The following OTP variants were observed in gnomAD, a reference collection of about 807,000 sequenced individuals.
OTP encodes the protein orthopedia homeobox.
In OTP, 5 loss-of-function variants were observed where a neutral mutation model predicts 22.3. The ratio of observed to expected loss-of-function variants is 0.22; its 90% confidence interval spans 0.12 to 0.47. The LOEUF is 0.47. Among genes scored for constraint, OTP ranks in the 20% least tolerant of loss-of-function variants. OTP has a pLI of 0.99. For missense variants in OTP, 428 were observed against 456.2 expected (o/e 0.94, Z 0.56); for synonymous variants, 229 against 210.6 (o/e 1.09, Z -0.76).
In OTP at chr5:77,637,335, C is replaced by G. The variant is rs574958198; in HGVS notation, c.38-105G>C. The G allele has an allele frequency of 6.2e-6, 8 of 1,300,016 alleles. No homozygotes were observed. In the South Asian group the frequency reaches 1.2e-4, roughly 20 times the overall value. 80.5% of individuals were successfully genotyped at this position (1,300,016 alleles called of 1,614,324 possible). ...AACCCGTCCTCGGCCCCCTCCGCAC[C>G]CGCGCTTGTCCTAAGGAAGAAACTC... On this transcript the variant is annotated intron_variant, in intron 1 of 2. Coordinates refer to ENST00000306422, the MANE Select transcript of OTP (RefSeq NM_032109.3).
intron 2 of OTP, among the ~76,000 whole-genome samples, chr5:77,635,535 A>C (rs1486319589): frequency 2.6e-5 from 4 of 152,236 alleles, no homozygotes; most frequent in African/African-American, 4.8e-5. Context: ...TTAAATCCCC[A>C]ATAATATTCA....
At chr5:77,637,835 C>T (rs1339341884) in intron 1 of OTP, among the ~76,000 whole-genome samples, 1 of 152,176 alleles carries the variant, frequency 6.6e-6, no homozygotes, top group Non-Finnish European at 1.5e-5. Flanking sequence ...AAACCCAGAG[C>T]TCAGCAACCC....
At position 77,629,824 on chromosome 5, in the gene OTP, G is replaced by A. The variant is rs749609858; in HGVS notation, c.*440C>T. 2.0e-4 allele frequency: 35 copies of A among 173,810 alleles called. No homozygotes were observed. Among genetic ancestry groups the A allele is most frequent in the Admixed American group, 3.2e-4 (5 of 15,760 alleles). The allele number at this position is 173,810 out of a possible 1,614,324, so 10.8% of individuals were successfully genotyped here. ...GCGGGAGGAGGGTCGCGAAGTGTGG[G>A]GAAAGAGGGGACCGGAGGGGAGGCG... On this transcript the variant is annotated 3_prime_UTR_variant, in exon 3 of 3. Transcript: ENST00000306422.
chr5:77,635,683 A>G (rs74812926), intron 2 of OTP, among the ~76,000 whole-genome samples: 1,894 of 152,320 alleles, frequency 0.012, 46 homozygotes, highest in African/African-American at 0.044. Flanking sequence ...TAAAGTAACT[A>G]AGATCTTAAA....
At chr5:77,638,265 C>A (rs370885239) in intron 1 of OTP, among the ~76,000 whole-genome samples, 5 of 110,290 alleles carry the variant, frequency 4.5e-5, no homozygotes, top group South Asian at 2.9e-4. Flanking sequence ...AAAAAAAAGG[C>A]GGGGGAGGGG....
rs768314028 is a variant in OTP, at chr5:77,636,816, C to T, written c.447+5G>A. 1 of 1,604,952 alleles carries T rather than the reference C, an allele frequency of 6.2e-7. No individual in the cohort carries two copies. Among genetic ancestry groups the T allele is most frequent in the African/African-American group, 1.3e-5 (1 of 74,904 alleles). ...CTTCTGTCCCAGATCCCAAGCCCCTCGTACCTGCACTCGGGACTCGGTCAG... is the reference window on the plus strand; with the variant it reads ...CTTCTGTCCCAGATCCCAAGCCCCTTGTACCTGCACTCGGGACTCGGTCAG... On this transcript the variant is annotated splice_donor_5th_base_variant and intron_variant, in intron 2 of 2. Transcript: ENST00000306422.
At position 77,630,200 on chromosome 5, in the gene OTP, G is replaced by A; in HGVS notation, c.*64C>T. ...GGGCGCCGGGGTCCGGGTGCGCGCC[G>A]GAAGGGCCTCGGGGCGGCCCCCGGG... is the stretch of plus-strand genomic sequence containing the variant. On this transcript the variant is annotated 3_prime_UTR_variant, in exon 3 of 3. Coordinates refer to ENST00000306422, the MANE Select transcript of OTP (RefSeq NM_032109.3). The A allele has an allele frequency of 8.6e-7, 1 of 1,168,556 alleles. No individual in the cohort carries two copies. The highest frequency in any genetic ancestry group is 2.8e-5 in the South Asian group (1 of 35,752). 72.4% of individuals were successfully genotyped at this position (1,168,556 alleles called of 1,614,324 possible).
At chr5:77,635,288 A>G (rs1744989587) in intron 2 of OTP, among the ~76,000 whole-genome samples, 1 of 152,214 alleles carries the variant, frequency 6.6e-6, no homozygotes, top group African/African-American at 2.4e-5. Context: ...AAGTATTGAA[A>G]TTGTATATTT....
rs1745020624 is a variant in OTP at position 77,637,074 on chromosome 5, G to A, written c.194C>T (p.Thr65Ile). ...ATLLPGEDIT[T>I]VGSTPASLAV... ...CAGCGAGGCCGGAGTAGAGCCCACT[G>A]TGGTGATGTCCTCCCCGGGCAGCAG... is the stretch of plus-strand genomic sequence containing the variant. The change falls in exon 2 of 3, where the codon ACA becomes ATA. Residue 65 changes from threonine to isoleucine, a missense_variant. Thr to Ile is a moderately conservative substitution (Grantham distance 89). This residue lies in a region of OTP where 176 missense variants were observed against 162.9 expected (regional missense o/e 1.08). Coordinates refer to ENST00000306422, the MANE Select transcript of OTP (RefSeq NM_032109.3). The A allele has an allele frequency of 6.2e-7, 1 of 1,613,432 alleles. No individual in the cohort carries two copies. Among genetic ancestry groups the A allele is most frequent in the Non-Finnish European group, 8.5e-7 (1 of 1,179,836 alleles).
At chr5:77,638,231 C>T (rs140740850) in intron 1 of OTP, among the ~76,000 whole-genome samples, 2 of 106,380 alleles carry the variant, frequency 1.9e-5, no homozygotes, top group African/African-American at 7.6e-5. Context: ...CAAATTATCA[C>T]GGGGTATATC....
Position 77,630,444 on chromosome 5 carries a change from C to A in OTP, c.798G>T (p.Ser266=), listed in dbSNP as rs1744908752. 1 of 1,580,902 alleles carries A rather than the reference C, an allele frequency of 6.3e-7. No homozygotes were observed. The highest frequency in any genetic ancestry group is 2.3e-5 in the East Asian group (1 of 43,490). ...CGGGGAAGGCGGGCTGGTAGAGGTG[C>A]GACTGCAGCCCCGCGCCGTTGGAAC... The part of the protein sequence containing the change: ...LAGSNGAGLQ[S]HLYQPAFPGM... The change falls in exon 3 of 3, where the codon TCG becomes TCT. Residue 266 remains serine (S), a synonymous_variant. Transcript: ENST00000306422.
chr5:77,636,675 G>C, intron 2 of OTP, 146 bp downstream of exon 2: 5 of 739,186 alleles, frequency 6.8e-6, no homozygotes, highest in South Asian at 3.8e-5. Context: ...TTTCCGGGTA[G>C]AGAAGGAGAT....
intron 2 of OTP, among the ~76,000 whole-genome samples, chr5:77,631,677 G>A (rs1291683927): frequency 6.9e-6 from 1 of 145,784 alleles, no homozygotes; most frequent in Non-Finnish European, 1.5e-5. Flanking sequence ...CAATTCTCCT[G>A]CCTCAGCCTC....
At position 77,629,909 on chromosome 5, in the gene OTP, G is replaced by A. The variant is rs1744894536; in HGVS notation, c.*355C>T. On this transcript the variant is annotated 3_prime_UTR_variant, in exon 3 of 3. Transcript: ENST00000306422. ...GTGTGGGTGGGAACGCCGCCCGTCA[G>A]AAGGCCAGGAGGAGGGCGCGAGCAC... 1 of 179,076 alleles carries A rather than the reference G, an allele frequency of 5.6e-6. No individual in the cohort carries two copies. The highest frequency in any genetic ancestry group is 2.0e-4 in the South Asian group (1 of 5,036). The allele number at this position is 179,076 out of a possible 1,614,324, so 11.1% of individuals were successfully genotyped here.
intron 2 of OTP, among the ~76,000 whole-genome samples, chr5:77,634,504 C>T (rs1220582459): frequency 6.6e-6 from 1 of 152,134 alleles, no homozygotes; most frequent in Non-Finnish European, 1.5e-5. Context: ...TATACAATTG[C>T]AATGAATTAA....
At chr5:77,635,327 A>G (rs2112371174) in intron 2 of OTP, among the ~76,000 whole-genome samples, 1 of 152,328 alleles carries the variant, frequency 6.6e-6, no homozygotes, top group South Asian at 2.1e-4. Flanking sequence ...AACTTCAGAT[A>G]TTTTTTAAAA....
At chr5:77,632,385 C>T (rs1744945403) in intron 2 of OTP, among the ~76,000 whole-genome samples, 2 of 152,220 alleles carry the variant, frequency 1.3e-5, no homozygotes, top group Admixed American at 6.5e-5. Context: ...GTAGGACAAG[C>T]CCAGGTACTG....
At chr5:77,633,929 T>G (rs1230567392) in intron 2 of OTP, among the ~76,000 whole-genome samples, 1 of 152,216 alleles carries the variant, frequency 6.6e-6, no homozygotes, top group Non-Finnish European at 1.5e-5. Context: ...TGGGCCGAAT[T>G]CATTACAGTT....
intron 2 of OTP, among the ~76,000 whole-genome samples, chr5:77,633,124 G>A (rs1382886458): frequency 6.6e-6 from 1 of 152,182 alleles, no homozygotes; most frequent in African/African-American, 2.4e-5. Flanking sequence ...TGAGGAGAGG[G>A]AGTGTGAGGG....
Sources: gnomAD v4.1 joint callset for allele counts (sites outside exome capture counted in the v4.1 genomes callset) on GRCh38, gnomAD v4.1.1 for gene constraint, gnomAD v4.1.1 regional missense constraint, MANE v1.5 for transcripts, NCBI Gene and HGNC (gene_info 2026-07-23, HGNC 2026-07-21) for gene names.